Variants in FRMPD3 observed in about 807,000 individuals in gnomAD.
FRMPD3 encodes FERM and PDZ domain-containing protein 3.
In FRMPD3, 42 loss-of-function variants were observed where a neutral mutation model predicts 97.9. The observed-to-expected ratio is 0.43, with a 90% confidence interval of 0.34 to 0.55. FRMPD3 has a LOEUF of 0.55. Ranked by LOEUF, FRMPD3 falls within the 20% of genes least tolerant of loss-of-function variation. The pLI, the probability that FRMPD3 is intolerant of heterozygous loss-of-function variation, is 0.03. For missense variants in FRMPD3, 1,303 were observed against 1,457.7 expected (o/e 0.89, Z 1.73); for synonymous variants, 577 against 581.1 (o/e 0.99, Z 0.10).
At chrX:107,515,485 T>C (rs771488792) in intron 1 of FRMPD3, among the ~76,000 whole-genome samples, 6 of 110,997 alleles carry the variant, frequency 5.4e-5, no homozygotes, top group Non-Finnish European at 1.1e-4. Flanking sequence ...GAGTGATAGA[T>C]GTGGAAGCCA....
chrX:107,461,078 T>TC (rs988787338), intron 1 of FRMPD3, among the ~76,000 whole-genome samples: 1 of 111,559 alleles, frequency 9.0e-6, no homozygotes, highest in African/African-American at 3.3e-5. Context: ...TTTCTTTTCT[T>TC]CCCCCGACCC....
chrX:107,544,211 CATAGA>C (rs1921468254), intron 4 of FRMPD3, among the ~76,000 whole-genome samples: 1 of 111,131 alleles, frequency 9.0e-6, no homozygotes, highest in South Asian at 3.8e-4. Context: ...AGAAGTGGAG[CATAGA>C]ATGGTGATCA....
chrX:107,577,930 G>A (rs1602842004), intron 13 of FRMPD3, among the ~76,000 whole-genome samples: 1 of 112,025 alleles, frequency 8.9e-6, no homozygotes, highest in African/African-American at 3.2e-5. Context: ...ACATAGAAAA[G>A]CAAAGGAGCT....
chrX:107,454,115 C>T (rs918752929), intron 1 of FRMPD3, among the ~76,000 whole-genome samples: 61 of 111,807 alleles, frequency 5.5e-4, no homozygotes, highest in Non-Finnish European at 8.7e-4. Context: ...ACTAGCCACC[C>T]GCAGCTTTTG....
chrX:107,584,622 A>G (rs1190123677), intron 13 of FRMPD3, among the ~76,000 whole-genome samples: 2 of 112,252 alleles, frequency 1.8e-5, no homozygotes, highest in Non-Finnish European at 3.8e-5. Context: ...ATTTTTGTAT[A>G]AGGTGTAAGG....
intron 1 of FRMPD3, among the ~76,000 whole-genome samples, chrX:107,524,418 A>G (rs904877876): frequency 1.8e-5 from 2 of 111,933 alleles, no homozygotes; most frequent in African/African-American, 6.5e-5. Flanking sequence ...CAGAGACTTG[A>G]CCTCATCCTA....
intron 1 of FRMPD3, among the ~76,000 whole-genome samples, chrX:107,473,511 T>A (rs1266919326): frequency 8.9e-6 from 1 of 112,234 alleles, no homozygotes; most frequent in African/African-American, 3.2e-5. Flanking sequence ...GGTAGATACC[T>A]TGCCAGAGTT....
At chrX:107,520,664 A>C (rs148834772) in intron 1 of FRMPD3, among the ~76,000 whole-genome samples, 1 of 111,267 alleles carries the variant, frequency 9.0e-6, no homozygotes, top group East Asian at 2.8e-4. Flanking sequence ...CAAAACAACA[A>C]CAACAACAAC....
intron 1 of FRMPD3, chrX:107,522,555 CAATGT>C: frequency 2.1e-6 from 1 of 480,595 alleles, no homozygotes; most frequent in Non-Finnish European, 3.7e-6. Context: ...GCTGGGCCAC[CAATGT>C]GCTTAGCCAC....
intron 2 of FRMPD3, among the ~76,000 whole-genome samples, chrX:107,528,659 T>G (rs759023235): frequency 1.8e-5 from 2 of 112,951 alleles, no homozygotes; most frequent in African/African-American, 6.4e-5. Context: ...TATGTACTGT[T>G]ATTTTCCCAT....
At chrX:107,548,193 G>T (rs1272116568) in intron 5 of FRMPD3, among the ~76,000 whole-genome samples, 1 of 112,211 alleles carries the variant, frequency 8.9e-6, no homozygotes, top group Non-Finnish European at 1.9e-5. Flanking sequence ...AATCCAATTT[G>T]CCTTATCTAG....
intron 2 of FRMPD3, among the ~76,000 whole-genome samples, chrX:107,528,958 A>G (rs1173508647): frequency 1.8e-5 from 2 of 112,981 alleles, no homozygotes; most frequent in African/African-American, 6.4e-5. Context: ...CAAGTGATGT[A>G]TTTGTTGTGT....
In FRMPD3 at chrX:107,490,094, A is replaced by G. The variant is rs188283622; in HGVS notation, c.-7-36488A>G. Among the ~76,000 whole-genome samples the G allele has an allele frequency of 3.4e-3, 378 of 112,400 alleles. 4 individuals carry two copies. Among genetic ancestry groups the G allele is most frequent in the African/African-American group, 0.012 (358 of 30,942 alleles). On this transcript the variant is annotated intron_variant, in intron 1 of 14. Transcript: ENST00000683843. The stretch of plus-strand genomic sequence containing the variant: ...TCCCAGCACTGTTTATTAAATAGGG[A>G]ATCCTTTCCCCATTTCTTGTTTTTG...
intron 3 of FRMPD3, among the ~76,000 whole-genome samples, chrX:107,532,509 G>A (rs923789314): frequency 1.8e-5 from 2 of 112,399 alleles, no homozygotes; most frequent in African/African-American, 3.2e-5. Context: ...TGGAGGAGAC[G>A]AGTCACATAA....
chrX:107,511,215 T>C lies in FRMPD3; in HGVS notation c.-7-15367T>C, dbSNP rs760292171. ...TCTATGCCGGGTCAGCTATGCTTCT[T>C]GCTTCCCAACTCATCTTTCCCCAGC... On this transcript the variant is annotated intron_variant, in intron 1 of 14. Transcript: ENST00000683843. Among the ~76,000 whole-genome samples, 272 of 111,895 alleles carry C rather than the reference T, an allele frequency of 2.4e-3. 2 individuals carry two copies. The highest frequency in any genetic ancestry group is 8.4e-3 in the African/African-American group (260 of 30,822).
rs1922892998 is a variant in FRMPD3 at position 107,530,468 on chromosome X, G to A, written c.208G>A (p.Asp70Asn). 8.4e-7 allele frequency: 1 copy of A among 1,195,411 alleles called. No homozygotes were observed. The highest frequency in any genetic ancestry group is 2.3e-5 in the Admixed American group (1 of 44,047). ...CCAGATTGTGGCTATTAATGAGGAA[G>A]ACGTGAGTGAAGCCCCGAGGGAGAG... ...GDQIVAINEE[D>N]VSEAPRERLI... Residue 70 changes from aspartate to asparagine, a missense_variant, in exon 3 of 15, where the codon GAC becomes AAC. Asp to Asn is a conservative substitution (Grantham distance 23, BLOSUM62 1). Transcript: ENST00000683843.
At chrX:107,531,197 A>G (rs1042790835) in intron 3 of FRMPD3, among the ~76,000 whole-genome samples, 1 of 110,711 alleles carries the variant, frequency 9.0e-6, no homozygotes, top group Admixed American at 9.6e-5. Flanking sequence ...ACACCCTGGC[A>G]TAGATTTGTT....
At chrX:107,459,976 A>G (rs1203942583) in intron 1 of FRMPD3, among the ~76,000 whole-genome samples, 1 of 111,667 alleles carries the variant, frequency 9.0e-6, no homozygotes, top group Non-Finnish European at 1.9e-5. Context: ...CTTCCCTGCT[A>G]AAGATTTCTG....
intron 4 of FRMPD3, among the ~76,000 whole-genome samples, chrX:107,534,772 C>T (rs1271581313): frequency 9.0e-6 from 1 of 111,683 alleles, no homozygotes; most frequent in Non-Finnish European, 1.9e-5. Context: ...CACACATATC[C>T]TCACACGTAC....
Sources: gnomAD v4.1 joint callset for allele counts (sites outside exome capture counted in the v4.1 genomes callset) on GRCh38, gnomAD v4.1.1 for gene constraint, MANE v1.5 for transcripts, NCBI Gene and HGNC (gene_info 2026-07-23, HGNC 2026-07-21) for gene names.